Variants in ZNF407 observed in about 807,000 individuals in gnomAD.
The protein encoded by ZNF407 is zinc finger protein 407.
Under a neutral mutation model 131.2 loss-of-function variants are expected in ZNF407, and 17 were observed. The ratio of observed to expected loss-of-function variants is 0.13; its 90% confidence interval spans 0.09 to 0.19. The LOEUF is 0.19. ZNF407 is among the 10% of genes least tolerant of loss of function. The pLI is 1.00. For missense variants in ZNF407, 2,681 were observed against 2,830.6 expected, an observed-to-expected ratio of 0.95 and a Z score of 1.20; for synonymous variants, 1,156 against 1,062.0, an observed-to-expected ratio of 1.09 and a Z score of -1.72.
At chr18:74,948,335 A>G (rs1972177443) in intron 8 of ZNF407, among the ~76,000 whole-genome samples, 1 of 152,212 alleles carries the variant, frequency 6.6e-6, no homozygotes, top group Admixed American at 6.5e-5. Flanking sequence ...GTCCACTGAC[A>G]TTCACCTGAG....
intron 4 of ZNF407, among the ~76,000 whole-genome samples, chr18:74,876,169 A>C (rs1213281920): frequency 1.3e-5 from 2 of 152,222 alleles, no homozygotes; most frequent in African/African-American, 2.4e-5. Context: ...AGATTATATT[A>C]AACTCATAGT....
At chr18:75,060,434 A>G (rs1599316965) in intron 8 of ZNF407, 2 of 151,870 alleles carry the variant, frequency 1.3e-5, no homozygotes, top group South Asian at 4.2e-4. Context: ...CAGAGCGAGT[A>G]CACAGGAGTA....
At chr18:74,660,559 C>A (rs485449) in intron 3 of ZNF407, among the ~76,000 whole-genome samples, 1 of 151,956 alleles carries the variant, frequency 6.6e-6, no homozygotes, top group Non-Finnish European at 1.5e-5. Context: ...TTGCTTACAT[C>A]GATTCTAGAA....
intron 1 of ZNF407, among the ~76,000 whole-genome samples, chr18:74,604,368 AC>A (rs869309237): frequency 9.2e-6 from 1 of 108,506 alleles, no homozygotes; most frequent in Non-Finnish European, 2.2e-5. Flanking sequence ...TGCTATGTCC[AC>A]CAGGGGTCTT....
chr18:74,860,484 A>ATATTATTAT (rs1167796493), intron 4 of ZNF407, among the ~76,000 whole-genome samples: 8,572 of 145,414 alleles, frequency 0.059, 291 homozygotes, highest in African/African-American at 0.093. Context: ...CAGAACCTCT[A>ATATTATTAT]TATTATTATT....
rs140535351 is a variant in ZNF407, at chr18:74,954,143, G to C, written c.5428+33451G>C. On this transcript the variant is annotated intron_variant, in intron 8 of 8. Coordinates refer to ENST00000299687, the MANE Select transcript of ZNF407 (RefSeq NM_017757.3). ...ATAACAAAATTTAATGCTTTCTAAA[G>C]GGAAAGAGGCCAGTTTCAATATTAA... Among the ~76,000 whole-genome samples, 45 of 152,216 alleles carry C rather than the reference G, an allele frequency of 3.0e-4. 1 individual carries two copies. The highest frequency in any genetic ancestry group is 9.2e-4 in the African/African-American group (38 of 41,516).
At chr18:74,882,160 A>G (rs57287962) in intron 6 of ZNF407, among the ~76,000 whole-genome samples, 4,599 of 152,298 alleles carry the variant, frequency 0.03, 217 homozygotes, top group African/African-American at 0.1. Flanking sequence ...ACAGATGAAA[A>G]GTGTTAAACA....
intron 3 of ZNF407, among the ~76,000 whole-genome samples, chr18:74,724,895 G>A (rs542594989): frequency 1.3e-5 from 2 of 152,290 alleles, no homozygotes; most frequent in African/African-American, 4.8e-5. Context: ...AATGTTTAAA[G>A]TTGTTATTAC....
chr18:74,832,048 G>T (rs1440139082), intron 4 of ZNF407, among the ~76,000 whole-genome samples: 1 of 152,154 alleles, frequency 6.6e-6, no homozygotes, highest in Non-Finnish European at 1.5e-5. Context: ...ACTTCTCTTG[G>T]CTTTGATCCA....
intron 8 of ZNF407, among the ~76,000 whole-genome samples, chr18:75,023,160 G>T (rs1286785385): frequency 6.6e-6 from 1 of 152,080 alleles, no homozygotes; most frequent in Non-Finnish European, 1.5e-5. Context: ...AGGAGAACAA[G>T]ACACGCTGGG....
intron 8 of ZNF407, among the ~76,000 whole-genome samples, chr18:75,057,974 G>A (rs184687346): frequency 8.5e-5 from 13 of 152,226 alleles, no homozygotes; most frequent in South Asian, 2.1e-4. Flanking sequence ...TAACAAAAGC[G>A]TAAGGTATTT....
chr18:74,874,280 A>T (rs1971125408), intron 4 of ZNF407, among the ~76,000 whole-genome samples: 1 of 152,184 alleles, frequency 6.6e-6, no homozygotes, highest in Admixed American at 6.5e-5. Context: ...CTAATTATTC[A>T]TCTTTGCACA....
chr18:74,886,974 A>G (rs1599221721), intron 6 of ZNF407, among the ~76,000 whole-genome samples: 2 of 152,344 alleles, frequency 1.3e-5, no homozygotes, highest in Middle Eastern at 3.4e-3. Flanking sequence ...GTGTCATTTT[A>G]TCTAGCCTAG....
At chr18:74,697,547 A>G (rs1241038456) in intron 3 of ZNF407, among the ~76,000 whole-genome samples, 1 of 152,158 alleles carries the variant, frequency 6.6e-6, no homozygotes, top group African/African-American at 2.4e-5. Flanking sequence ...TATAGAATAT[A>G]AACGTTATGA....
chr18:74,663,489 A>G (rs889426375), intron 3 of ZNF407, among the ~76,000 whole-genome samples: 18 of 152,194 alleles, frequency 1.2e-4, no homozygotes, highest in African/African-American at 4.3e-4. Context: ...AGTAAATGTA[A>G]GGTCCTATAT....
intron 1 of ZNF407, among the ~76,000 whole-genome samples, chr18:74,608,074 C>A (rs1423099414): frequency 6.6e-6 from 1 of 152,106 alleles, no homozygotes; most frequent in Non-Finnish European, 1.5e-5. Context: ...TTAAAACTTT[C>A]TACTTTGAAA....
At chr18:74,975,215 A>G (rs1972515198) in intron 8 of ZNF407, among the ~76,000 whole-genome samples, 1 of 152,210 alleles carries the variant, frequency 6.6e-6, no homozygotes, top group Non-Finnish European at 1.5e-5. Flanking sequence ...ATGGCGATAT[A>G]TTACCCACGT....
At chr18:74,778,720 G>C (rs976525070) in intron 3 of ZNF407, among the ~76,000 whole-genome samples, 1 of 152,090 alleles carries the variant, frequency 6.6e-6, no homozygotes, top group African/African-American at 2.4e-5. Flanking sequence ...TAAGCAGCAG[G>C]TTGTCGAGAA....
chr18:74,940,720 A>G (rs1352275094), intron 8 of ZNF407, among the ~76,000 whole-genome samples: 1 of 152,164 alleles, frequency 6.6e-6, no homozygotes, highest in Non-Finnish European at 1.5e-5. Context: ...GGGCTGTTGT[A>G]GAGAAAATGA....
Sources: gnomAD v4.1 joint callset for allele counts (sites outside exome capture counted in the v4.1 genomes callset) on GRCh38, gnomAD v4.1.1 for gene constraint, MANE v1.5 for transcripts, NCBI Gene and HGNC (gene_info 2026-07-23, HGNC 2026-07-21) for gene names.